Variants in DSN1 observed in about 807,000 individuals in gnomAD.
DSN1 encodes the protein kinetochore-associated protein DSN1 homolog.
DSN1 carries 31 observed loss-of-function variants against 45.7 expected under a neutral mutation model. The observed-to-expected ratio is 0.68, with a 90% CI of 0.51 to 0.92. The LOEUF (loss-of-function observed/expected upper bound fraction) is 0.92. DSN1 is among the 40% of genes least tolerant of loss of function. The probability of loss-of-function intolerance (pLI) is 0.00; values close to 1 mark genes in which losing one functional copy is unlikely to be tolerated. For missense variants in DSN1, 394 were observed against 414.2 expected, an observed-to-expected ratio of 0.95 and a Z score of 0.42; for synonymous variants, 134 against 142.3, an observed-to-expected ratio of 0.94 and a Z score of 0.41.
intron 10 of DSN1, among the ~76,000 whole-genome samples, chr20:36,753,654 GAAAA>G (rs1986502491): frequency 7.3e-6 from 1 of 136,722 alleles, no homozygotes; most frequent in African/African-American, 2.7e-5. Flanking sequence ...AAAAAAAAAA[GAAAA>G]AGAAAGAAAG....
chr20:36,773,761 T>TCCACCTTCTACGTCACGGTCA lies in DSN1; in HGVS notation c.-116_-115insTGACCGTGACGTAGAAGGTGG. On this transcript the variant is annotated 5_prime_UTR_variant, in exon 1 of 11. Coordinates refer to ENST00000373750, the MANE Select transcript of DSN1 (RefSeq NM_001145315.2). ...ACTCCCTGATCAGGGTGAAGCGGTC[T>TCCACCTTCTACGTCACGGTCA]CCACCTTCTACGTCACGGTCACCGC... The TCCACCTTCTACGTCACGGTCA allele has an allele frequency of 1.0e-6, 1 of 985,490 alleles. No homozygotes were observed. The allele number at this position is 985,490 out of a possible 1,614,324, so 61.0% of individuals were successfully genotyped here.
intron 7 of DSN1, 117 bp from the exon 8 acceptor site, chr20:36,758,278 C>A: frequency 9.9e-7 from 1 of 1,008,378 alleles, no homozygotes; most frequent in Non-Finnish European, 1.5e-6. Flanking sequence ...GTTGACAGGT[C>A]ATTACAGGGT....
intron 9 of DSN1, 94 bp downstream of exon 9, chr20:36,755,588 T>A (rs1317335783): frequency 8.3e-6 from 12 of 1,450,578 alleles, no homozygotes; most frequent in Non-Finnish European, 1.1e-5. Flanking sequence ...CATATTCAAC[T>A]TACACTTATA....
chr20:36,758,249 A>G (rs1442852156), intron 7 of DSN1, 88 bp from the exon 8 acceptor site: 1 of 1,256,844 alleles, frequency 8.0e-7, no homozygotes, highest in African/African-American at 1.5e-5. Flanking sequence ...GAGGTGTACA[A>G]TCTGGATGTA....
Position 36,770,916 on chromosome 20 carries a change from C to T in DSN1, c.312G>A (p.Thr104=), listed in dbSNP as rs774898923. 6.2e-6 allele frequency: 10 copies of T among 1,613,828 alleles called. No individual in the cohort carries two copies. Among genetic ancestry groups the T allele is most frequent in the East Asian group, 2.2e-5 (1 of 44,888 alleles). Residue 104 remains threonine (T), a synonymous_variant, in exon 3 of 11, where the codon ACG becomes ACA. Transcript: ENST00000373750. ...QSWRRASMKE[T]NRRKSLHPIH... is the part of the protein sequence containing the mutation. ...TGGGATGCAGCGACTTCCGCCGGTT[C>T]GTTTCTTTCATACTTGCTCGCCGCC...
At chr20:36,765,846 T>TAAAAAAAA (rs72491027) in intron 5 of DSN1, among the ~76,000 whole-genome samples, 3 of 69,466 alleles carry the variant, frequency 4.3e-5, no homozygotes, top group Non-Finnish European at 6.6e-5. Flanking sequence ...AGCAAAAGAC[T>TAAAAAAAA]AAAAAAAAAA....
rs1422281197 is a variant in DSN1 at position 36,771,128 on chromosome 20, C to T, written c.100G>A (p.Val34Met). The T allele has an allele frequency of 6.2e-7, 1 of 1,614,064 alleles. No individual in the cohort carries two copies. The highest frequency in any genetic ancestry group is 1.1e-5 in the South Asian group (1 of 91,088). ...AGGGAGGCAGATGTTTTAGCAAACACTTCCACAGGACTGAGACTTGATTCC... is the reference window on the plus strand; with the variant it reads ...AGGGAGGCAGATGTTTTAGCAAACATTTCCACAGGACTGAGACTTGATTCC... ...QLESSLSPVE[V>M]FAKTSASLEM... Residue 34 changes from valine (V) to methionine (M), a missense_variant, in exon 3 of 11, where the codon GTG (valine) becomes ATG (methionine). By Grantham distance (21) the Val-to-Met change is conservative. Coordinates refer to ENST00000373750, the MANE Select transcript of DSN1 (RefSeq NM_001145315.2).
At chr20:36,767,828 G>A in intron 4 of DSN1, 141 bp downstream of exon 4, 1 of 733,240 alleles carries the variant, frequency 1.4e-6, no homozygotes, top group Non-Finnish European at 2.3e-6. Context: ...CTTGAACCTG[G>A]GAGGCGGAGG....
At chr20:36,755,869 T>C (rs1444525428) in intron 8 of DSN1, 40 bp from the exon 9 acceptor site, 1 of 1,589,820 alleles carries the variant, frequency 6.3e-7, no homozygotes, top group Admixed American at 1.8e-5. Context: ...GATTCTGTAA[T>C]TATTTTCTGG....
intron 6 of DSN1, 129 bp from the exon 7 acceptor site, chr20:36,758,746 G>A (rs1003185560): frequency 2.4e-6 from 2 of 850,648 alleles, no homozygotes; most frequent in African/African-American, 3.4e-5. Flanking sequence ...GGAGTGCAAT[G>A]GCACAATCTT....
At chr20:36,768,088 G>C in intron 3 of DSN1, 46 bp from the exon 4 acceptor site, 1 of 1,584,758 alleles carries the variant, frequency 6.3e-7, no homozygotes. Flanking sequence ...TAGTTACATA[G>C]TTAGCAACTA....
intron 1 of DSN1, among the ~76,000 whole-genome samples, chr20:36,772,453 T>A (rs1255055666): frequency 6.6e-6 from 1 of 151,924 alleles, no homozygotes; most frequent in Non-Finnish European, 1.5e-5. Flanking sequence ...CACACCTGGC[T>A]AATTTTTGTA....
intron 5 of DSN1, among the ~76,000 whole-genome samples, chr20:36,763,410 G>GAAAAAAAAAAAAAAGA (rs1987116946): frequency 4.8e-5 from 4 of 84,104 alleles, no homozygotes; most frequent in East Asian, 4.4e-4. Flanking sequence ...CTCAAAAAAA[G>GAAAAAAAAAAAAAAGA]AAAAAAAAAA....
intron 1 of DSN1, 179 bp downstream of exon 1, chr20:36,773,483 G>A: frequency 3.0e-6 from 3 of 985,614 alleles, no homozygotes; most frequent in Non-Finnish European, 3.6e-6. Flanking sequence ...CATTTCACCC[G>A]GGAGGAGGTC....
intron 1 of DSN1, 94 bp downstream of exon 1, chr20:36,773,568 C>T: frequency 2.0e-6 from 2 of 985,876 alleles, no homozygotes; most frequent in Non-Finnish European, 2.4e-6. Flanking sequence ...CCGACGGGTA[C>T]GACGCCGAAG....
intron 9 of DSN1, 150 bp from the exon 10 acceptor site, chr20:36,755,000 A>G (rs1381282217): frequency 6.1e-6 from 4 of 659,770 alleles, no homozygotes; most frequent in African/African-American, 5.4e-5. Context: ...TTGTTCCTCC[A>G]AAGTCACACC....
chr20:36,767,260 T>C (rs1463657822), intron 4 of DSN1, among the ~76,000 whole-genome samples: 1 of 151,870 alleles, frequency 6.6e-6, no homozygotes, highest in East Asian at 1.9e-4. Context: ...TGAGCCGAGA[T>C]TGTGCCACTG....
chr20:36,771,541 C>T, intron 1 of DSN1, 68 bp from the exon 2 acceptor site: 1 of 1,471,984 alleles, frequency 6.8e-7, no homozygotes, highest in Non-Finnish European at 9.4e-7. Context: ...GGCTTTACAG[C>T]CCCAGAATAA....
chr20:36,759,937 G>A (rs1414523980), intron 6 of DSN1, among the ~76,000 whole-genome samples: 2 of 151,670 alleles, frequency 1.3e-5, no homozygotes, highest in Non-Finnish European at 2.9e-5. Flanking sequence ...TCTTTTTCTC[G>A]TTGCTTAAAA....
Sources: gnomAD v4.1 joint callset for allele counts (sites outside exome capture counted in the v4.1 genomes callset) on GRCh38, gnomAD v4.1.1 for gene constraint, MANE v1.5 for transcripts, NCBI Gene and HGNC (gene_info 2026-07-23, HGNC 2026-07-21) for gene names.